FHIT: variants seen among roughly 807,000 people sequenced by gnomAD.
FHIT encodes the protein bis(5'-adenosyl)-triphosphatase.
In FHIT, 19 loss-of-function variants were observed where a neutral mutation model predicts 17.9. That is an observed-to-expected ratio of 1.06 (90% CI 0.74 to 1.56). The LOEUF (loss-of-function observed/expected upper bound fraction) is 1.56. Among genes scored for constraint, FHIT ranks in the 40% most tolerant of loss-of-function variants. The probability of loss-of-function intolerance (pLI) is 0.00; values close to 1 mark genes in which losing one functional copy is unlikely to be tolerated. For missense variants in FHIT, 248 were observed against 189.2 expected (o/e 1.31, Z -1.82); for synonymous variants, 81 against 69.7 (o/e 1.16, Z -0.81).
At chr3:59,937,954 A>C (rs894358619) in intron 7 of FHIT, among the ~76,000 whole-genome samples, 2 of 152,184 alleles carry the variant, frequency 1.3e-5, no homozygotes, top group African/African-American at 4.8e-5. Flanking sequence ...TCACACATTT[A>C]AAAATGACAT....
At chr3:60,669,454 C>T (rs2040461987) in intron 4 of FHIT, among the ~76,000 whole-genome samples, 1 of 152,122 alleles carries the variant, frequency 6.6e-6, no homozygotes. Context: ...CCATTACTTC[C>T]TAAAGCCATT....
chr3:60,038,895 A>C (rs1196493361), intron 5 of FHIT, among the ~76,000 whole-genome samples: 2 of 152,210 alleles, frequency 1.3e-5, no homozygotes, highest in Admixed American at 6.5e-5. Context: ...GCTGTGTAAC[A>C]AACTACCCTA....
chr3:60,965,695 G>C (rs1442688293), intron 3 of FHIT, among the ~76,000 whole-genome samples: 1 of 152,194 alleles, frequency 6.6e-6, no homozygotes, highest in Non-Finnish European at 1.5e-5. Context: ...GGAGTTTGCT[G>C]GAGGTCCACT....
At chr3:60,038,191 T>A (rs892541143) in intron 5 of FHIT, among the ~76,000 whole-genome samples, 8 of 152,234 alleles carry the variant, frequency 5.3e-5, no homozygotes, top group Non-Finnish European at 1.0e-4. Context: ...CATGTACACA[T>A]AATTTATACT....
intron 2 of FHIT, among the ~76,000 whole-genome samples, chr3:61,052,559 A>G (rs948731352): frequency 6.6e-6 from 1 of 152,228 alleles, no homozygotes; most frequent in Non-Finnish European, 1.5e-5. Flanking sequence ...ACAAAGTGCA[A>G]TGAAAATGAA....
chr3:60,108,695 C>T (rs1359610367), intron 5 of FHIT, among the ~76,000 whole-genome samples: 2 of 149,458 alleles, frequency 1.3e-5, no homozygotes, highest in Non-Finnish European at 3.0e-5. Context: ...CAGAGTCTCG[C>T]TTTTGTCGTC....
At chr3:60,044,985 G>A (rs1386563326) in intron 5 of FHIT, among the ~76,000 whole-genome samples, 1 of 152,008 alleles carries the variant, frequency 6.6e-6, no homozygotes, top group East Asian at 1.9e-4. Flanking sequence ...AAGTTATTTT[G>A]ACCCAAAGTC....
At chr3:60,246,897 A>C (rs546372307) in intron 5 of FHIT, among the ~76,000 whole-genome samples, 2 of 152,248 alleles carry the variant, frequency 1.3e-5, no homozygotes, top group South Asian at 4.1e-4. Context: ...TACGTATTTT[A>C]AGTTAGAATG....
rs116085555 is a variant in FHIT at position 60,478,191 on chromosome 3, T to A, written c.103+58669A>T. On this transcript the variant is annotated intron_variant, in intron 5 of 9. Transcript: ENST00000492590. ...CAATAATCAGCAGTAACCTTATGCATCCCACTTACAGATGAAGAAATGAGA... is the reference window on the plus strand; with the variant it reads ...CAATAATCAGCAGTAACCTTATGCAACCCACTTACAGATGAAGAAATGAGA... 1.8e-3 allele frequency among the ~76,000 whole-genome samples: 277 copies of A among 152,274 alleles called. 1 individual carries two copies. The highest frequency in any genetic ancestry group is 3.3e-3 in the Non-Finnish European group (225 of 68,022).
chr3:60,627,400 G>A (rs1333787742), intron 4 of FHIT, among the ~76,000 whole-genome samples: 3 of 152,104 alleles, frequency 2.0e-5, no homozygotes, highest in Non-Finnish European at 4.4e-5. Context: ...GTTTGTATCT[G>A]TTTAGGAATT....
chr3:60,166,434 T>C (rs542984646), intron 5 of FHIT, among the ~76,000 whole-genome samples: 1 of 152,296 alleles, frequency 6.6e-6, no homozygotes, highest in East Asian at 1.9e-4. Context: ...GTCCTTATTA[T>C]AAACATACAT....
intron 8 of FHIT, among the ~76,000 whole-genome samples, chr3:59,829,624 C>T (rs1701096919): frequency 6.6e-6 from 1 of 152,168 alleles, no homozygotes; most frequent in Admixed American, 6.5e-5. Context: ...ATGTGCTCTG[C>T]TCCATTTCCT....
chr3:60,764,992 G>A (rs1298213145), intron 4 of FHIT, among the ~76,000 whole-genome samples: 1 of 152,088 alleles, frequency 6.6e-6, no homozygotes, highest in African/African-American at 2.4e-5. Context: ...CAGTGGCACT[G>A]GTCTCAGTGA....
intron 8 of FHIT, among the ~76,000 whole-genome samples, chr3:59,782,274 G>GT (rs200268151): frequency 0.042 from 6,461 of 152,026 alleles, 203 homozygotes; most frequent in South Asian, 0.081. Context: ...TCTAATCAGA[G>GT]TTTTTTTTCC....
chr3:60,645,426 A>C (rs2039832065), intron 4 of FHIT, among the ~76,000 whole-genome samples: 1 of 152,182 alleles, frequency 6.6e-6, no homozygotes. Context: ...AACTGCAAGA[A>C]ATAATTCAGA....
At chr3:60,204,198 A>G (rs902428466) in intron 5 of FHIT, among the ~76,000 whole-genome samples, 1 of 152,176 alleles carries the variant, frequency 6.6e-6, no homozygotes, top group Non-Finnish European at 1.5e-5. Context: ...CTCCATTAAT[A>G]TATATACCTA....
At chr3:60,357,425 A>T (rs1441556260) in intron 5 of FHIT, among the ~76,000 whole-genome samples, 1 of 152,002 alleles carries the variant, frequency 6.6e-6, no homozygotes, top group South Asian at 2.1e-4. Flanking sequence ...TTGTATTTTT[A>T]GTAGAGACAG....
At chr3:60,867,993 T>C (rs1261368813) in intron 3 of FHIT, among the ~76,000 whole-genome samples, 5 of 152,210 alleles carry the variant, frequency 3.3e-5, no homozygotes, top group African/African-American at 1.2e-4. Context: ...TTATAAGTCA[T>C]GTCTTATATG....
At chr3:60,701,095 T>A (rs531650764) in intron 4 of FHIT, among the ~76,000 whole-genome samples, 14 of 151,746 alleles carry the variant, frequency 9.2e-5, no homozygotes, top group African/African-American at 3.4e-4. Flanking sequence ...TAGATAAACA[T>A]ACATTTCCCA....
Sources: gnomAD v4.1 joint callset for allele counts (sites outside exome capture counted in the v4.1 genomes callset) on GRCh38, gnomAD v4.1.1 for gene constraint, MANE v1.5 for transcripts, NCBI Gene and HGNC (gene_info 2026-07-23, HGNC 2026-07-21) for gene names.